The following EPAS1 variants were observed in gnomAD, a reference collection of about 807,000 sequenced individuals.
EPAS1 encodes the protein endothelial PAS domain-containing protein 1.
In EPAS1, 23 loss-of-function variants were observed where a neutral mutation model predicts 87.9. The observed-to-expected ratio is 0.26, with a 90% CI of 0.19 to 0.37. The LOEUF (loss-of-function observed/expected upper bound fraction) is 0.37. EPAS1 is among the 10% of genes least tolerant of loss of function. The probability of loss-of-function intolerance (pLI) is 1.00; values close to 1 mark genes in which losing one functional copy is unlikely to be tolerated. For missense variants in EPAS1, 1,138 were observed against 1,120.7 expected, an observed-to-expected ratio of 1.02 and a Z score of -0.22; for synonymous variants, 508 against 444.3, an observed-to-expected ratio of 1.14 and a Z score of -1.80.
intron 12 of EPAS1, chr2:46,381,342 G>C (rs538537984): frequency 7.2e-6 from 4 of 557,606 alleles, no homozygotes; most frequent in South Asian, 5.8e-5. Context: ...CCCTCCTAAG[G>C]ACTAACATTG....
intron 6 of EPAS1, among the ~76,000 whole-genome samples, chr2:46,368,120 G>A (rs1171688889): frequency 6.6e-6 from 1 of 152,196 alleles, no homozygotes; most frequent in Non-Finnish European, 1.5e-5. Context: ...GGAGAAAGTG[G>A]TCCCTGAGTT....
intron 1 of EPAS1, among the ~76,000 whole-genome samples, chr2:46,299,087 G>GC (rs771757370): frequency 7.2e-5 from 11 of 152,254 alleles, no homozygotes; most frequent in Admixed American, 2.6e-4. Flanking sequence ...GGACCGACTC[G>GC]CTAAGGGAGG....
chr2:46,368,618 C>T (rs1273452217), intron 6 of EPAS1, among the ~76,000 whole-genome samples: 1 of 152,168 alleles, frequency 6.6e-6, no homozygotes, highest in Non-Finnish European at 1.5e-5. Flanking sequence ...AGAGCAGAGA[C>T]AGGAAATGAG....
intron 1 of EPAS1, among the ~76,000 whole-genome samples, chr2:46,319,791 G>A (rs1296757080): frequency 6.6e-6 from 1 of 152,166 alleles, no homozygotes; most frequent in Non-Finnish European, 1.5e-5. Flanking sequence ...TATGAGGCTG[G>A]GGATGATTGC....
intron 1 of EPAS1, among the ~76,000 whole-genome samples, chr2:46,314,567 C>G (rs1455108710): frequency 1.3e-5 from 2 of 152,238 alleles, no homozygotes; most frequent in Non-Finnish European, 2.9e-5. Context: ...GTTTCCCCAT[C>G]TTCACAATGG....
At chr2:46,361,527 C>G (rs1371004261) in intron 6 of EPAS1, among the ~76,000 whole-genome samples, 2 of 152,148 alleles carry the variant, frequency 1.3e-5, no homozygotes, top group East Asian at 1.9e-4. Flanking sequence ...GAGCCTTTCC[C>G]TCCGCCTTGT....
intron 2 of EPAS1, among the ~76,000 whole-genome samples, chr2:46,352,092 C>T (rs1433205715): frequency 6.6e-6 from 1 of 152,216 alleles, no homozygotes; most frequent in Non-Finnish European, 1.5e-5. Context: ...CTCAGCAGAG[C>T]ACCTCTGGTT....
chr2:46,356,311 C>G lies in EPAS1; in HGVS notation c.369+9C>G. The stretch of plus-strand genomic sequence containing the variant: ...TCATGGGACTTACACAGGTGACACC[C>G]TCCTCTATCTCTTTCAAAAGAAGAA... On this transcript the variant is annotated intron_variant, in intron 3 of 15. Coordinates refer to ENST00000263734, the MANE Select transcript of EPAS1 (RefSeq NM_001430.5). 2 of 1,614,112 alleles carry G rather than the reference C, an allele frequency of 1.2e-6. No individual in the cohort carries two copies. The highest frequency in any genetic ancestry group is 1.6e-4 in the Middle Eastern group (1 of 6,062).
Position 46,303,792 on chromosome 2 carries a change from G to C in EPAS1, c.26+5855G>C, listed in dbSNP as rs144271906. Among the ~76,000 whole-genome samples, 19 of 152,308 alleles carry C rather than the reference G, an allele frequency of 1.2e-4. No homozygotes were observed. The South Asian group carries it at 2.1e-3, about 17-fold the overall frequency. ...CTCTTGGATGTCTGATTTGGTGACT[G>C]TCTTATGTTTCAGAGTCTTCCTGTT... On this transcript the variant is annotated intron_variant, in intron 1 of 15. Transcript: ENST00000263734.
intron 1 of EPAS1, among the ~76,000 whole-genome samples, chr2:46,305,732 C>T (rs543328590): frequency 6.6e-6 from 1 of 152,140 alleles, no homozygotes; most frequent in African/African-American, 2.4e-5. Context: ...CCATCCCCAG[C>T]CATGGAACTC....
chr2:46,334,766 C>G (rs150451764), intron 1 of EPAS1, among the ~76,000 whole-genome samples: 81 of 152,316 alleles, frequency 5.3e-4, no homozygotes, highest in Middle Eastern at 6.8e-3. Context: ...TCCCAAATTG[C>G]TCAATGTTAT....
intron 1 of EPAS1, among the ~76,000 whole-genome samples, chr2:46,321,357 C>G (rs1031589730): frequency 1.3e-5 from 2 of 152,122 alleles, no homozygotes; most frequent in Non-Finnish European, 2.9e-5. Context: ...ATTTGAGTCC[C>G]TGCTTTCAGT....
chr2:46,325,799 A>G (rs761612702), intron 1 of EPAS1, among the ~76,000 whole-genome samples: 20 of 152,192 alleles, frequency 1.3e-4, no homozygotes, highest in Non-Finnish European at 2.1e-4. Flanking sequence ...TACCATGATG[A>G]TCATTAGAAC....
chr2:46,358,114 C>T (rs975232859), intron 4 of EPAS1, among the ~76,000 whole-genome samples: 2 of 152,236 alleles, frequency 1.3e-5, no homozygotes, highest in Non-Finnish European at 2.9e-5. Context: ...AGGTTTGGCT[C>T]TTATTACCAC....
At chr2:46,328,809 C>A (rs1440798691) in intron 1 of EPAS1, among the ~76,000 whole-genome samples, 1 of 152,224 alleles carries the variant, frequency 6.6e-6, no homozygotes, top group African/African-American at 2.4e-5. Flanking sequence ...CAGAGCAAAT[C>A]AGAGGTGAAA....
intron 1 of EPAS1, among the ~76,000 whole-genome samples, chr2:46,310,652 C>T (rs544132986): frequency 6.6e-6 from 1 of 152,326 alleles, no homozygotes; most frequent in South Asian, 2.1e-4. Flanking sequence ...GTAACCTTTC[C>T]CCTGGAGGAA....
chr2:46,305,023 A>G (rs773741401), intron 1 of EPAS1, among the ~76,000 whole-genome samples: 1 of 152,202 alleles, frequency 6.6e-6, no homozygotes, highest in Non-Finnish European at 1.5e-5. Context: ...TGCCAAACAG[A>G]ATTGCATTGA....
chr2:46,312,957 A>G (rs1032743204), intron 1 of EPAS1, among the ~76,000 whole-genome samples: 4 of 152,158 alleles, frequency 2.6e-5, no homozygotes, highest in African/African-American at 9.7e-5. Flanking sequence ...TCTAAACCTA[A>G]AGAGCTACAT....
intron 1 of EPAS1, among the ~76,000 whole-genome samples, chr2:46,326,147 G>A (rs1437329032): frequency 1.3e-5 from 2 of 152,176 alleles, no homozygotes; most frequent in South Asian, 2.1e-4. Flanking sequence ...TCTCCCTCCT[G>A]TGTGAATTTG....
Sources: allele counts gnomAD v4.1 joint callset (sites outside exome capture counted in the v4.1 genomes callset), GRCh38; gene constraint gnomAD v4.1.1; transcripts MANE v1.5; gene names NCBI Gene and HGNC (gene_info 2026-07-23, HGNC 2026-07-21).